The following CD8B2 variants were observed in gnomAD, a reference collection of about 807,000 sequenced individuals.
The protein encoded by CD8B2 is T-cell surface glycoprotein CD8 beta-2 chain.
A neutral mutation model predicts 23.7 loss-of-function variants in CD8B2; 11 were observed. The ratio of observed to expected loss-of-function variants is 0.46; its 90% CI spans 0.29 to 0.77. The LOEUF is 0.77. CD8B2 is among the 30% of genes least tolerant of loss of function. The pLI, the probability that CD8B2 is intolerant of heterozygous loss-of-function variation, is 0.09. For missense variants in CD8B2, 197 were observed against 270.5 expected (o/e 0.73, Z 1.91); for synonymous variants, 90 against 109.3 (o/e 0.82, Z 1.10).
chr2:106,491,082 G>C lies in CD8B2; in HGVS notation c.252G>C (p.Glu84Asp), dbSNP rs1679186980. ...DSAKGTIHGE[E>D]VEQEKIAVFR... is the part of the protein sequence containing the mutation. Reference sequence around the variant, plus strand: ...CAAAAGGGACTATCCACGGTGAAGAGGTGGAACAGGAGAAGATAGCTGTGT... The same window carrying C: ...CAAAAGGGACTATCCACGGTGAAGACGTGGAACAGGAGAAGATAGCTGTGT... Residue 84 changes from glutamate (E) to aspartate (D), a missense_variant, in exon 2 of 6, where the codon GAG becomes GAC. Physicochemically the swap from Glu to Asp is conservative, Grantham distance 45. This residue lies in a region of CD8B2 where 140 missense variants were observed against 164.2 expected (regional missense o/e 0.85). Coordinates refer to ENST00000643224, the MANE Select transcript of CD8B2 (RefSeq NM_001349727.2). The C allele has an allele frequency of 1.2e-6, 2 of 1,613,940 alleles. No individual in the cohort carries two copies. Among genetic ancestry groups the C allele is most frequent in the Non-Finnish European group, 8.5e-7 (1 of 1,179,808 alleles).
chr2:106,500,459 C>T (rs1301937114), intron 3 of CD8B2, among the ~76,000 whole-genome samples: 4 of 150,734 alleles, frequency 2.7e-5, no homozygotes, highest in East Asian at 2.0e-4. Context: ...GCAGAGGTTG[C>T]GGTGAGCCCA....
At chr2:106,496,357 T>G in intron 3 of CD8B2, 95 bp downstream of exon 3, 2 of 1,426,694 alleles carry the variant, frequency 1.4e-6, no homozygotes, top group Non-Finnish European at 1.9e-6. Context: ...ACTTTCCAAG[T>G]GTCAACTCTA....
At chr2:106,541,488 T>C (rs1202556426) in intron 5 of CD8B2, among the ~76,000 whole-genome samples, 1 of 152,154 alleles carries the variant, frequency 6.6e-6, no homozygotes, top group Non-Finnish European at 1.5e-5. Context: ...AGCGGATATG[T>C]TGCTAAACAT....
intron 5 of CD8B2, among the ~76,000 whole-genome samples, chr2:106,521,023 G>GGAGAGGGA (rs1679817865): frequency 7.7e-6 from 1 of 130,418 alleles, no homozygotes; most frequent in Non-Finnish European, 1.6e-5. Context: ...ATGTTTTAAG[G>GGAGAGGGA]GAGAGAGAGA....
At chr2:106,496,450 G>A (rs1679301423) in intron 3 of CD8B2, among the ~76,000 whole-genome samples, 188 bp downstream of exon 3, 1 of 152,106 alleles carries the variant, frequency 6.6e-6, no homozygotes, top group Non-Finnish European at 1.5e-5. Flanking sequence ...AGACAGACTC[G>A]TAAATTGTTA....
At chr2:106,496,947 C>CA (rs949341563) in intron 3 of CD8B2, among the ~76,000 whole-genome samples, 10 of 152,162 alleles carry the variant, frequency 6.6e-5, no homozygotes, top group African/African-American at 2.2e-4. Flanking sequence ...TGTTAACAAA[C>CA]AAAAAATCCA....
rs544563249 is a variant in CD8B2, at chr2:106,540,465, G to A, written c.621-3527G>A. The stretch of plus-strand genomic sequence containing the variant: ...GTACCACTCCCTCATTTAGCAAGTC[G>A]GCTTGTTGTTCTGGGTGAGCCAAGC... On this transcript the variant is annotated intron_variant, in intron 5 of 5. Coordinates refer to the CD8B2 transcript ENST00000416057. 2.0e-5 allele frequency among the ~76,000 whole-genome samples: 3 copies of A among 152,258 alleles called. No individual in the cohort carries two copies. In the South Asian group the frequency reaches 6.2e-4, roughly 32 times the overall value.
intron 3 of CD8B2, among the ~76,000 whole-genome samples, chr2:106,496,787 A>G (rs1461624375): frequency 6.6e-6 from 1 of 151,764 alleles, no homozygotes; most frequent in Non-Finnish European, 1.5e-5. Flanking sequence ...AGTGATTCCT[A>G]ATGGGTATAA....
chr2:106,492,820 G>GT (rs1679219606), intron 2 of CD8B2, among the ~76,000 whole-genome samples: 1 of 152,228 alleles, frequency 6.6e-6, no homozygotes, highest in African/African-American at 2.4e-5. Context: ...CTGGGAGGGT[G>GT]TATTGCAGGC....
chr2:106,511,174 C>G (rs1022438130), downstream of CD8B2: 3 of 152,160 alleles, frequency 2.0e-5, no homozygotes, highest in African/African-American at 7.2e-5. Context: ...AAATCTGAAC[C>G]ATGGAAATCA....
At chr2:106,534,480 A>T (rs1450967936) in intron 5 of CD8B2, among the ~76,000 whole-genome samples, 2 of 152,232 alleles carry the variant, frequency 1.3e-5, no homozygotes, top group African/African-American at 4.8e-5. Flanking sequence ...GTTCATTGTA[A>T]CAGAAGAAGC....
Position 106,524,026 on chromosome 2 carries a change from T to C in CD8B2, c.620+19701T>C, listed in dbSNP as rs559015364. On this transcript the variant is annotated intron_variant, in intron 5 of 5. Coordinates refer to the CD8B2 transcript ENST00000416057. ...GTAAATATCAGTTCTCTTAGACAATTGGGCAGGTTTCATAGGGACAAAAAA... is the reference window on the plus strand; with the variant it reads ...GTAAATATCAGTTCTCTTAGACAATCGGGCAGGTTTCATAGGGACAAAAAA... 1.2e-4 allele frequency among the ~76,000 whole-genome samples: 18 copies of C among 152,292 alleles called. No individual in the cohort carries two copies. In the South Asian group the frequency reaches 3.7e-3, roughly 32 times the overall value.
At chr2:106,543,869 A>G (rs1680213128) in intron 5 of CD8B2, 1 of 355,410 alleles carries the variant, frequency 2.8e-6, no homozygotes, top group Admixed American at 5.8e-5. Context: ...AGGTTCCATG[A>G]ACTTGGATGG....
intron 5 of CD8B2, among the ~76,000 whole-genome samples, chr2:106,532,320 G>A (rs1679998996): frequency 6.6e-6 from 1 of 152,106 alleles, no homozygotes; most frequent in African/African-American, 2.4e-5. Context: ...AAACTTCAAG[G>A]TATTCTCTTT....
downstream of CD8B2, among the ~76,000 whole-genome samples, chr2:106,511,999 C>T (rs979291592): frequency 9.2e-5 from 14 of 152,210 alleles, no homozygotes; most frequent in African/African-American, 3.4e-4. Flanking sequence ...AGTTTACTGC[C>T]TTTCACAAGC....
intron 5 of CD8B2, among the ~76,000 whole-genome samples, chr2:106,532,765 T>C (rs1421956846): frequency 2.0e-5 from 3 of 152,224 alleles, no homozygotes; most frequent in Non-Finnish European, 4.4e-5. Flanking sequence ...GAGGTCACTC[T>C]CATCGCCATC....
chr2:106,503,606 ATTTAC>A (rs1271424122), intron 4 of CD8B2, among the ~76,000 whole-genome samples: 1 of 152,206 alleles, frequency 6.6e-6, no homozygotes, highest in Non-Finnish European at 1.5e-5. Flanking sequence ...AGTTGGCTGT[ATTTAC>A]TTATTTAATA....
At chr2:106,520,478 A>G (rs961022037) in intron 5 of CD8B2, among the ~76,000 whole-genome samples, 1 of 152,196 alleles carries the variant, frequency 6.6e-6, no homozygotes, top group African/African-American at 2.4e-5. Context: ...TAGGTTGCAC[A>G]TGGCCTGGCT....
At chr2:106,517,692 T>C (rs1573343884) in intron 5 of CD8B2, among the ~76,000 whole-genome samples, 1 of 150,398 alleles carries the variant, frequency 6.6e-6, no homozygotes, top group Middle Eastern at 3.4e-3. Flanking sequence ...GCTTTGTTTA[T>C]AGCTTCTGTT....
Sources: allele counts gnomAD v4.1 joint callset (sites outside exome capture counted in the v4.1 genomes callset), GRCh38; gene constraint gnomAD v4.1.1; regional missense constraint gnomAD v4.1.1; transcripts MANE v1.5; gene names NCBI Gene and HGNC (gene_info 2026-07-23, HGNC 2026-07-21).